Variants in INTS4 observed in about 807,000 individuals in gnomAD.
The protein encoded by INTS4 is MSTP093.
INTS4 carries 70 observed loss-of-function variants against 119.5 expected under a neutral mutation model. The ratio of observed to expected loss-of-function variants is 0.59; its 90% confidence interval spans 0.48 to 0.71. The LOEUF (loss-of-function observed/expected upper bound fraction) is 0.71. INTS4 is among the 30% of genes least tolerant of loss of function. The pLI, the probability that INTS4 is intolerant of heterozygous loss-of-function variation, is 0.00. For synonymous variants in INTS4, 316 were observed against 419.6 expected (o/e 0.75, Z 3.02); for missense variants, 867 against 1,173.2 (o/e 0.74, Z 3.81).
intron 4 of INTS4, among the ~76,000 whole-genome samples, chr11:77,969,878 T>C (rs1279378123): frequency 6.6e-6 from 1 of 152,148 alleles, no homozygotes. Flanking sequence ...ACTTAACCTA[T>C]TATGGAAATT....
intron 14 of INTS4, among the ~76,000 whole-genome samples, chr11:77,920,260 T>C (rs61410810): frequency 1.2e-4 from 8 of 65,810 alleles, no homozygotes; most frequent in East Asian, 5.1e-4. Context: ...CATATATACA[T>C]ATATACACAT....
Position 77,928,483 on chromosome 11 carries a change from C to G in INTS4, c.1230G>C (p.Glu410Asp). Reference protein sequence around the residue: ...MLAQSSPSFAEKCLDFLVDMF... With the variant: ...MLAQSSPSFADKCLDFLVDMF... ...TGTCAACTAGGAAATCAAGGCACTTCTCAGCAAAAGAGGGTGAAGACTGGG... is the reference window on the plus strand; with the variant it reads ...TGTCAACTAGGAAATCAAGGCACTTGTCAGCAAAAGAGGGTGAAGACTGGG... Residue 410 changes from glutamate to aspartate, a missense_variant, in exon 11 of 23, where the codon GAG becomes GAC. By Grantham distance (45) the Glu-to-Asp change is conservative. Coordinates refer to ENST00000534064, the MANE Select transcript of INTS4 (RefSeq NM_033547.4). 1 of 1,608,822 alleles carries G rather than the reference C, an allele frequency of 6.2e-7. No individual in the cohort carries two copies. The highest frequency in any genetic ancestry group is 1.1e-5 in the South Asian group (1 of 90,228).
downstream of INTS4, among the ~76,000 whole-genome samples, chr11:77,877,969 C>G (rs1253369582): frequency 6.6e-6 from 1 of 152,118 alleles, no homozygotes; most frequent in Non-Finnish European, 1.5e-5. Flanking sequence ...CACTGGACCC[C>G]TGTTTCCCAT....
intron 8 of INTS4, among the ~76,000 whole-genome samples, chr11:77,942,123 G>A (rs1050598756): frequency 9.9e-5 from 15 of 151,904 alleles, no homozygotes; most frequent in South Asian, 4.1e-4. Context: ...ACAGTTACCA[G>A]GAACAAGAAT....
At position 77,935,159 on chromosome 11, in the gene INTS4, G is replaced by A. The variant is rs150974764; in HGVS notation, c.1165+3492C>T. On this transcript the variant is annotated intron_variant, in intron 10 of 22. Transcript: ENST00000534064. ...TATAGGATGTCTATTACAAGATGGA[G>A]TAATGAGGACCAGCTTTATCCTCCA... 4.4e-3 allele frequency among the ~76,000 whole-genome samples: 669 copies of A among 152,306 alleles called. 3 individuals are homozygous for A. Among genetic ancestry groups the A allele is most frequent in the African/African-American group, 0.015 (634 of 41,566 alleles).
At position 77,881,098 on chromosome 11, in the gene INTS4, C is replaced by T. The variant is rs1555016670; in HGVS notation, c.2714-1971G>A. ...GGAGTAAAGCGGAGAAGAGAGAAAA[C>T]AAGAAGGAGGGGAACTTGGGAGAAG... On this transcript the variant is annotated intron_variant, in intron 22 of 22. Coordinates refer to ENST00000534064, the MANE Select transcript of INTS4 (RefSeq NM_033547.4). Among the ~76,000 whole-genome samples, 8 of 152,064 alleles carry T rather than the reference C, an allele frequency of 5.3e-5. 1 individual carries two copies. The highest frequency in any genetic ancestry group is 4.4e-5 in the Non-Finnish European group (3 of 68,012).
At chr11:77,937,321 A>C (rs1953821876) in intron 10 of INTS4, among the ~76,000 whole-genome samples, 1 of 152,262 alleles carries the variant, frequency 6.6e-6, no homozygotes, top group Admixed American at 6.5e-5. Flanking sequence ...TATCATAATC[A>C]AATTGCTTAA....
chr11:77,974,270 T>G (rs1855858448), intron 4 of INTS4, among the ~76,000 whole-genome samples: 1 of 142,544 alleles, frequency 7.0e-6, no homozygotes, highest in South Asian at 2.3e-4. Flanking sequence ...TGAGATGGAG[T>G]CTTGCTCTGT....
At chr11:77,881,015 T>C (rs1207181548) in intron 22 of INTS4, among the ~76,000 whole-genome samples, 3 of 152,054 alleles carry the variant, frequency 2.0e-5, no homozygotes, top group Non-Finnish European at 4.4e-5. Flanking sequence ...CCCTACAGGG[T>C]CATTTTGCAT....
At chr11:77,898,568 G>A (rs533166605) in intron 18 of INTS4, among the ~76,000 whole-genome samples, 5 of 152,278 alleles carry the variant, frequency 3.3e-5, no homozygotes, top group African/African-American at 1.2e-4. Flanking sequence ...ATCTTAGAGA[G>A]GTGACCATAA....
At chr11:77,988,257 C>T (rs577304470) in intron 2 of INTS4, among the ~76,000 whole-genome samples, 2 of 152,252 alleles carry the variant, frequency 1.3e-5, no homozygotes, top group South Asian at 2.1e-4. Flanking sequence ...ACAATTGCAA[C>T]GCATAAGACT....
intron 4 of INTS4, among the ~76,000 whole-genome samples, chr11:77,967,543 T>G (rs1250149959): frequency 3.3e-5 from 5 of 152,180 alleles, no homozygotes. Context: ...GCAATTCTAT[T>G]TTTAATTTTG....
Position 77,960,397 on chromosome 11 carries a change from T to C in INTS4, c.658-6A>G, listed in dbSNP as rs768862961. On this transcript the variant is annotated splice_polypyrimidine_tract_variant and splice_region_variant and intron_variant, in intron 5 of 22. Transcript: ENST00000534064. ...CCTCTTTCATGGAGCTGCAACTAGA[T>C]AATAAATATATAGTTTAAGTGCTTG... is the stretch of plus-strand genomic sequence containing the variant. The C allele has an allele frequency of 6.3e-6, 10 of 1,575,062 alleles. No homozygotes were observed. Among genetic ancestry groups the C allele is most frequent in the Non-Finnish European group, 8.7e-6 (10 of 1,146,536 alleles).
At chr11:77,957,618 G>T (rs1194655951) in intron 7 of INTS4, among the ~76,000 whole-genome samples, 8 of 147,020 alleles carry the variant, frequency 5.4e-5, no homozygotes, top group African/African-American at 2.5e-5. Flanking sequence ...AGCTTCCACC[G>T]AATATTTCAT....
intron 8 of INTS4, among the ~76,000 whole-genome samples, chr11:77,948,076 T>C (rs1591092883): frequency 6.6e-6 from 1 of 152,106 alleles, no homozygotes; most frequent in East Asian, 2.0e-4. Flanking sequence ...CTCAAACTCA[T>C]GAGCTCAAGT....
chr11:77,955,787 C>T (rs1954305348), intron 8 of INTS4, among the ~76,000 whole-genome samples, 155 bp downstream of exon 8: 1 of 152,218 alleles, frequency 6.6e-6, no homozygotes, highest in Non-Finnish European at 1.5e-5. Flanking sequence ...AGTCACCGCA[C>T]CCAGCCTATA....
intron 4 of INTS4, among the ~76,000 whole-genome samples, chr11:77,962,353 T>C (rs563842630): frequency 1.3e-5 from 2 of 152,348 alleles, no homozygotes; most frequent in South Asian, 2.1e-4. Context: ...CAGTGCTGCA[T>C]AAGTGTTCTA....
intron 18 of INTS4, among the ~76,000 whole-genome samples, chr11:77,896,142 A>T (rs1952507377): frequency 6.6e-6 from 1 of 152,328 alleles, no homozygotes; most frequent in South Asian, 2.1e-4. Flanking sequence ...GAGAGTTAAC[A>T]GGGGATTTAA....
At chr11:77,921,768 C>T (rs187389376) in intron 13 of INTS4, among the ~76,000 whole-genome samples, 357 of 152,290 alleles carry the variant, frequency 2.3e-3, no homozygotes, top group Non-Finnish European at 4.0e-3. Flanking sequence ...TGGTGGCTCA[C>T]GCCTGTAATC....
Sources: allele counts gnomAD v4.1 joint callset (sites outside exome capture counted in the v4.1 genomes callset), GRCh38; gene constraint gnomAD v4.1.1; transcripts MANE v1.5; gene names NCBI Gene and HGNC (gene_info 2026-07-23, HGNC 2026-07-21).